The following TRAPPC9 variants were observed in gnomAD, a reference collection of about 807,000 sequenced individuals.
The protein encoded by TRAPPC9 is trafficking protein particle complex subunit 9.
In TRAPPC9, 83 loss-of-function variants were observed where a neutral mutation model predicts 124.0. The observed-to-expected ratio is 0.67, with a 90% CI of 0.56 to 0.80. The LOEUF is 0.80. Ranked by LOEUF, TRAPPC9 falls within the 30% of genes least tolerant of loss-of-function variation. TRAPPC9 has a pLI of 0.00. For synonymous variants in TRAPPC9, 638 were observed against 617.5 expected, an observed-to-expected ratio of 1.03 and a Z score of -0.49; for missense variants, 1,302 against 1,508.3, an observed-to-expected ratio of 0.86 and a Z score of 2.27.
At chr8:139,830,431 G>A (rs188182857) in intron 21 of TRAPPC9, among the ~76,000 whole-genome samples, 2 of 151,548 alleles carry the variant, frequency 1.3e-5, no homozygotes, top group African/African-American at 4.8e-5. Context: ...GCATATGCAC[G>A]CAAATACACA....
intron 7 of TRAPPC9, among the ~76,000 whole-genome samples, chr8:140,382,501 A>G (rs747307284): frequency 3.9e-5 from 6 of 152,142 alleles, no homozygotes; most frequent in African/African-American, 1.2e-4. Flanking sequence ...TATCCCGCGC[A>G]TGGCTGGGAG....
intron 17 of TRAPPC9, among the ~76,000 whole-genome samples, chr8:140,191,553 T>G (rs2062492395): frequency 6.6e-6 from 1 of 152,152 alleles, no homozygotes; most frequent in African/African-American, 2.4e-5. Flanking sequence ...GCTCCCACTC[T>G]CGCCATGTGA....
At chr8:139,812,370 G>A (rs1049785351) in intron 21 of TRAPPC9, among the ~76,000 whole-genome samples, 31 of 152,214 alleles carry the variant, frequency 2.0e-4, no homozygotes, top group Non-Finnish European at 4.4e-5. Flanking sequence ...GTAGTAGACA[G>A]GTAGAGGCGA....
chr8:140,388,824 T>C (rs1443585811), intron 7 of TRAPPC9, among the ~76,000 whole-genome samples: 2 of 133,260 alleles, frequency 1.5e-5, no homozygotes, highest in Admixed American at 8.1e-5. Flanking sequence ...CACTCCAGCC[T>C]GAACAGCAGA....
At chr8:140,054,675 G>A (rs2132106008) in intron 17 of TRAPPC9, among the ~76,000 whole-genome samples, 1 of 152,140 alleles carries the variant, frequency 6.6e-6, no homozygotes. Flanking sequence ...AAGAAAAGAT[G>A]ACTCAAATAA....
intron 19 of TRAPPC9, among the ~76,000 whole-genome samples, chr8:139,928,786 G>C (rs1015221666): frequency 2.0e-5 from 3 of 151,002 alleles, no homozygotes; most frequent in Admixed American, 6.6e-5. Context: ...CGTACAGTCT[G>C]TGTATGGCGC....
intron 17 of TRAPPC9, among the ~76,000 whole-genome samples, chr8:140,068,588 C>A (rs1011246045): frequency 6.6e-6 from 1 of 152,224 alleles, no homozygotes; most frequent in Non-Finnish European, 1.5e-5. Context: ...AACTCAGCCA[C>A]GCTTGTCATG....
intron 19 of TRAPPC9, among the ~76,000 whole-genome samples, chr8:139,985,508 T>C (rs1400483039): frequency 6.6e-6 from 1 of 152,092 alleles, no homozygotes; most frequent in African/African-American, 2.4e-5. Flanking sequence ...TGCCGCAGCA[T>C]CCAGCCACAG....
intron 21 of TRAPPC9, among the ~76,000 whole-genome samples, chr8:139,761,479 G>T (rs1001454408): frequency 2.0e-5 from 3 of 152,162 alleles, no homozygotes; most frequent in African/African-American, 7.2e-5. Flanking sequence ...TGATGATGCG[G>T]TGTGCGCCAG....
intron 17 of TRAPPC9, among the ~76,000 whole-genome samples, chr8:140,130,843 G>A (rs552243126): frequency 3.3e-5 from 5 of 152,256 alleles, no homozygotes; most frequent in East Asian, 3.9e-4. Context: ...ATGGGATTGC[G>A]TCAAAATTTT....
chr8:139,916,456 G>A (rs1450197566), intron 19 of TRAPPC9: 1 of 152,268 alleles, frequency 6.6e-6, no homozygotes, highest in Non-Finnish European at 1.5e-5. Context: ...AAAGTGAAAA[G>A]CAAGGCCAAG....
intron 17 of TRAPPC9, among the ~76,000 whole-genome samples, chr8:140,149,233 T>A (rs2061504948): frequency 6.6e-6 from 1 of 152,012 alleles, no homozygotes; most frequent in South Asian, 2.1e-4. Flanking sequence ...AGCAGCATGG[T>A]CAGCACGGGC....
At chr8:140,187,316 G>C (rs967716705) in intron 17 of TRAPPC9, among the ~76,000 whole-genome samples, 1 of 152,162 alleles carries the variant, frequency 6.6e-6, no homozygotes, top group Non-Finnish European at 1.5e-5. Flanking sequence ...CCTAGACCAA[G>C]GGACAACTGT....
chr8:140,058,242 G>T (rs1264188074), intron 17 of TRAPPC9, among the ~76,000 whole-genome samples: 1 of 151,956 alleles, frequency 6.6e-6, no homozygotes, highest in African/African-American at 2.4e-5. Context: ...TTAGGGGTGG[G>T]TGGGGGAGGA....
At chr8:140,180,043 T>C (rs1373195615) in intron 17 of TRAPPC9, among the ~76,000 whole-genome samples, 1 of 133,544 alleles carries the variant, frequency 7.5e-6, no homozygotes, top group Non-Finnish European at 1.6e-5. Context: ...TACCACTATA[T>C]TGAAGCTCTT....
Position 140,147,408 on chromosome 8 carries a change from G to A in TRAPPC9, c.2556+74051C>T, listed in dbSNP as rs138039396. Among the ~76,000 whole-genome samples, 342 of 152,296 alleles carry A rather than the reference G, an allele frequency of 2.2e-3. 5 individuals carry two copies. The highest frequency in any genetic ancestry group is 6.9e-4 in the Non-Finnish European group (47 of 68,032). ...AGGCAGAACTTCACAACTCACGAAC[G>A]TCTCAATTCCGCAGGTGAGGCCTTG... is the stretch of plus-strand genomic sequence containing the variant. On this transcript the variant is annotated intron_variant, in intron 17 of 22. Transcript: ENST00000438773.
intron 14 of TRAPPC9, among the ~76,000 whole-genome samples, chr8:140,283,364 G>T (rs1393921975): frequency 7.8e-6 from 1 of 127,900 alleles, no homozygotes; most frequent in Non-Finnish European, 1.6e-5. Context: ...GCGCGATCTC[G>T]GCTCACTGCA....
At chr8:139,751,417 G>C (rs547723278) in intron 21 of TRAPPC9, among the ~76,000 whole-genome samples, 1 of 152,288 alleles carries the variant, frequency 6.6e-6, no homozygotes, top group African/African-American at 2.4e-5. Flanking sequence ...GCTGGTCCCA[G>C]GGCCATGCCC....
chr8:140,457,826 G>A (rs1003113163), upstream of TRAPPC9: 14 of 1,065,648 alleles, frequency 1.3e-5, no homozygotes, highest in Admixed American at 1.5e-4. Context: ...TGCAAGAGAC[G>A]CGAGGGAAGC....
Sources: gnomAD v4.1 joint callset for allele counts (sites outside exome capture counted in the v4.1 genomes callset) on GRCh38, gnomAD v4.1.1 for gene constraint, MANE v1.5 for transcripts, NCBI Gene and HGNC (gene_info 2026-07-23, HGNC 2026-07-21) for gene names.